The following COL26A1 variants were observed in gnomAD, a reference collection of about 807,000 sequenced individuals.
COL26A1 encodes collagen type XXVI alpha 1 chain.
COL26A1 carries 41 observed loss-of-function variants against 59.3 expected under a neutral mutation model. The ratio of observed to expected loss-of-function variants is 0.69; its 90% CI spans 0.54 to 0.90. COL26A1 has a LOEUF of 0.90. Ranked by LOEUF, COL26A1 falls within the 40% of genes least tolerant of loss-of-function variation. The pLI is 0.00. For missense variants in COL26A1, 612 were observed against 602.3 expected, an observed-to-expected ratio of 1.02 and a Z score of -0.17; for synonymous variants, 266 against 256.0, an observed-to-expected ratio of 1.04 and a Z score of -0.37.
chr7:101,385,262 CA>C (rs1562957016), intron 1 of COL26A1, among the ~76,000 whole-genome samples: 1 of 149,102 alleles, frequency 6.7e-6, no homozygotes, highest in Admixed American at 6.7e-5. Context: ...CACACACACA[CA>C]TATATATGTG....
chr7:101,520,895 C>A (rs1795130020), intron 3 of COL26A1, among the ~76,000 whole-genome samples: 1 of 152,210 alleles, frequency 6.6e-6, no homozygotes, highest in African/African-American at 2.4e-5. Context: ...TGATCTTGGA[C>A]TTCCCAGCCC....
chr7:101,531,261 A>G lies in COL26A1; in HGVS notation c.386-1821A>G, dbSNP rs536886659. Among the ~76,000 whole-genome samples, 307 of 152,242 alleles carry G rather than the reference A, an allele frequency of 2.0e-3. 4 individuals carry two copies. The highest frequency in any genetic ancestry group is 6.4e-3 in the Admixed American group (98 of 15,296). Reference sequence around the variant, plus strand: ...GCTGGGATTATAGGCGTGAGCCACCACACCCGGCCTACCTTTTTATTTCTT... The same window carrying G: ...GCTGGGATTATAGGCGTGAGCCACCGCACCCGGCCTACCTTTTTATTTCTT... On this transcript the variant is annotated intron_variant, in intron 3 of 12. Transcript: ENST00000313669.
chr7:101,478,701 A>G (rs985501380), intron 3 of COL26A1, among the ~76,000 whole-genome samples: 16 of 152,212 alleles, frequency 1.1e-4, no homozygotes, highest in Non-Finnish European at 2.1e-4. Flanking sequence ...GGGTATGGCT[A>G]AAGTCAGGTA....
intron 3 of COL26A1, among the ~76,000 whole-genome samples, chr7:101,493,347 C>T (rs115215746): frequency 0.012 from 1,784 of 151,834 alleles, 46 homozygotes; most frequent in African/African-American, 0.041. Flanking sequence ...GCCTGGCAGG[C>T]TCTAGTCCAT....
intron 10 of COL26A1, 76 bp downstream of exon 10, chr7:101,551,219 G>A: frequency 8.5e-7 from 1 of 1,182,614 alleles, no homozygotes; most frequent in Non-Finnish European, 1.2e-6. Context: ...GCACTGGGTG[G>A]CGGGGGTTGG....
rs1004507096 is a variant in COL26A1 at position 101,547,150 on chromosome 7, C to T, written c.857-6C>T. 4 of 1,587,292 alleles carry T rather than the reference C, an allele frequency of 2.5e-6. No homozygotes were observed. The highest frequency in any genetic ancestry group is 3.5e-5 in the Admixed American group (2 of 56,984). ...CAGACCCCTGGCCGCTCCGCTCTTC[C>T]CACAGATGGAGACTCAAGGCTGGCC... On this transcript the variant is annotated splice_region_variant and splice_polypyrimidine_tract_variant and intron_variant, in intron 7 of 12. Transcript: ENST00000313669.
In COL26A1 at chr7:101,508,960, G is replaced by A. The variant is rs1040628172; in HGVS notation, c.386-24122G>A. Among the ~76,000 whole-genome samples the A allele has an allele frequency of 7.9e-5, 12 of 152,252 alleles. 1 individual carries two copies. The South Asian group carries it at 8.3e-4, about 11-fold the overall frequency. The stretch of plus-strand genomic sequence containing the variant: ...GTCGAAGCTGCAGTGAGCTATGATC[G>A]TACCACTGCACTCTAGTCTGAGTGA... On this transcript the variant is annotated intron_variant, in intron 3 of 12. Transcript: ENST00000313669.
At chr7:101,419,640 C>T (rs1584391481) in intron 1 of COL26A1, among the ~76,000 whole-genome samples, 1 of 152,226 alleles carries the variant, frequency 6.6e-6, no homozygotes, top group East Asian at 1.9e-4. Flanking sequence ...TGTGTGTTCA[C>T]CACGTGGTGG....
At chr7:101,398,967 T>C (rs980720391) in intron 1 of COL26A1, among the ~76,000 whole-genome samples, 1 of 151,990 alleles carries the variant, frequency 6.6e-6, no homozygotes, top group Admixed American at 6.6e-5. Context: ...CACAGGGGGA[T>C]GGACAGAGCT....
At chr7:101,370,152 C>T (rs886417689) in intron 1 of COL26A1, among the ~76,000 whole-genome samples, 9 of 151,962 alleles carry the variant, frequency 5.9e-5, no homozygotes, top group East Asian at 3.9e-4. Context: ...TGAACCACCG[C>T]GCCTGGCCTG....
chr7:101,372,228 C>T (rs572783764), intron 1 of COL26A1, among the ~76,000 whole-genome samples: 1 of 151,582 alleles, frequency 6.6e-6, no homozygotes, highest in South Asian at 2.1e-4. Context: ...TGCAGTGGTG[C>T]GATCTTGGCT....
intron 3 of COL26A1, among the ~76,000 whole-genome samples, chr7:101,491,278 T>C (rs1584458403): frequency 1.3e-5 from 2 of 152,156 alleles, no homozygotes; most frequent in South Asian, 2.1e-4. Context: ...TGGCTTGAAA[T>C]TGGCCATGCT....
At chr7:101,552,612 G>C (rs1357446850) in intron 10 of COL26A1, among the ~76,000 whole-genome samples, 1 of 151,564 alleles carries the variant, frequency 6.6e-6, no homozygotes, top group East Asian at 1.9e-4. Flanking sequence ...GCAAGACCCT[G>C]TCTCAAAAAA....
At chr7:101,539,420 T>A (rs1234757706) in intron 4 of COL26A1, among the ~76,000 whole-genome samples, 2 of 151,960 alleles carry the variant, frequency 1.3e-5, no homozygotes, top group Admixed American at 6.6e-5. Flanking sequence ...CATAACTCAC[T>A]GTAGCCTTGA....
intron 3 of COL26A1, among the ~76,000 whole-genome samples, chr7:101,489,808 T>C (rs1224093845): frequency 0.14 from 437 of 3,194 alleles, 100 homozygotes; most frequent in African/African-American, 0.26. Context: ...CTTTCTTTCT[T>C]TCTTTCTTTC....
At chr7:101,510,760 G>C (rs1436568602) in intron 3 of COL26A1, among the ~76,000 whole-genome samples, 1 of 151,872 alleles carries the variant, frequency 6.6e-6, no homozygotes, top group Non-Finnish European at 1.5e-5. Context: ...CTTCAAGAGA[G>C]CCTCCTGCTT....
intron 3 of COL26A1, among the ~76,000 whole-genome samples, chr7:101,463,903 T>TTCTTTCTTTCTTTCTTTCTTTC (rs377202948): frequency 6.0e-5 from 3 of 49,906 alleles, no homozygotes; most frequent in African/African-American, 2.1e-4. Context: ...CTTTCTTTCT[T>TTCTTTCTTTCTTTCTTTCTTTC]TTTCTTTCTC....
chr7:101,389,345 T>C (rs28607154), intron 1 of COL26A1, among the ~76,000 whole-genome samples: 9,142 of 151,380 alleles, frequency 0.06, 643 homozygotes, highest in African/African-American at 0.16. Context: ...TGTATCTGGA[T>C]ATTAACCCTT....
At chr7:101,501,763 TGA>T (rs549517863) in intron 3 of COL26A1, among the ~76,000 whole-genome samples, 20 of 152,192 alleles carry the variant, frequency 1.3e-4, no homozygotes, top group Non-Finnish European at 2.5e-4. Flanking sequence ...TATGTGTGTG[TGA>T]GTGTGCGCCA....
Sources: allele counts gnomAD v4.1 joint callset (sites outside exome capture counted in the v4.1 genomes callset), GRCh38; gene constraint gnomAD v4.1.1; transcripts MANE v1.5; gene names NCBI Gene and HGNC (gene_info 2026-07-23, HGNC 2026-07-21).